Variants in FRMD3 observed in about 807,000 individuals in gnomAD.
The protein encoded by FRMD3 is FERM domain containing 3, also known as FERM domain-containing protein 3.
A neutral mutation model predicts 70.2 loss-of-function variants in FRMD3; 33 were observed. The ratio of observed to expected loss-of-function variants is 0.47; its 90% CI spans 0.36 to 0.63. The LOEUF is 0.63. Among genes scored for constraint, FRMD3 ranks in the 20% least tolerant of loss-of-function variants. The pLI, the probability that FRMD3 is intolerant of heterozygous loss-of-function variation, is 0.00. For missense variants in FRMD3, 632 were observed against 711.4 expected, an observed-to-expected ratio of 0.89 and a Z score of 1.27; for synonymous variants, 279 against 255.9, an observed-to-expected ratio of 1.09 and a Z score of -0.86.
At chr9:83,302,992 C>T (rs370025289) in intron 10 of FRMD3, among the ~76,000 whole-genome samples, 4 of 152,142 alleles carry the variant, frequency 2.6e-5, no homozygotes, top group Non-Finnish European at 2.9e-5. Context: ...AAATCCAGAT[C>T]GTCTCTGCAG....
intron 6 of FRMD3, among the ~76,000 whole-genome samples, chr9:83,317,181 G>A (rs747878738): frequency 1.8e-4 from 24 of 136,338 alleles, no homozygotes; most frequent in Non-Finnish European, 3.0e-4. Context: ...TTATTGAGCC[G>A]TCTCTCATGC....
At chr9:83,253,501 G>A (rs1415778702) in intron 13 of FRMD3, among the ~76,000 whole-genome samples, 3 of 152,142 alleles carry the variant, frequency 2.0e-5, no homozygotes, top group Non-Finnish European at 2.9e-5. Flanking sequence ...GCAGCCAACA[G>A]ACACATGAAA....
chr9:83,566,440 C>T, the FRMD3 span, among the ~76,000 whole-genome samples: 1 of 152,108 alleles, frequency 6.6e-6, no homozygotes, highest in Non-Finnish European at 1.5e-5. Flanking sequence ...ATCTCATGTC[C>T]TCATATTTCA....
intron 12 of FRMD3, among the ~76,000 whole-genome samples, chr9:83,290,969 A>G (rs1203408423): frequency 6.6e-6 from 1 of 152,184 alleles, no homozygotes; most frequent in Non-Finnish European, 1.5e-5. Context: ...AGTTCCCAAT[A>G]CATCACCAGC....
chr9:83,290,812 T>G (rs1430326500), intron 12 of FRMD3, 85 bp from the exon 13 acceptor site: 1 of 1,456,330 alleles, frequency 6.9e-7, no homozygotes, highest in Non-Finnish European at 9.3e-7. Context: ...AAGCTACCAT[T>G]TTGTGTCTAC....
intron 3 of FRMD3, among the ~76,000 whole-genome samples, chr9:83,356,281 T>TTG (rs1248709542): frequency 6.9e-6 from 1 of 143,946 alleles, no homozygotes; most frequent in Non-Finnish European, 1.5e-5. Context: ...ATTTTTTTTT[T>TTG]TTTTTTTTTT....
chr9:83,348,523 G>A (rs928959585), intron 4 of FRMD3, among the ~76,000 whole-genome samples: 2 of 152,062 alleles, frequency 1.3e-5, no homozygotes, highest in African/African-American at 2.4e-5. Flanking sequence ...TGAGGGTGAT[G>A]AAAACTTCTA....
At chr9:83,512,740 G>C (rs1423987444) in intron 1 of FRMD3, among the ~76,000 whole-genome samples, 1 of 152,154 alleles carries the variant, frequency 6.6e-6, no homozygotes, top group Non-Finnish European at 1.5e-5. Context: ...TGGGTGCTGA[G>C]AAAGTCACTA....
Position 83,372,934 on chromosome 9 carries a change from A to G in FRMD3, c.274T>C (p.Ser92Pro), listed in dbSNP as rs1433061527. Reference sequence around the variant, plus strand: ...TTACTTTTCATTTGCTTGAAGATGGACTTGTTAGGTTCAAGCCAGTGCTAG... The same window carrying G: ...TTACTTTTCATTTGCTTGAAGATGGGCTTGTTAGGTTCAAGCCAGTGCTAG... ...KQRHWLEPNK[S>P]IFKQMKTHPP... is the part of the protein sequence containing the mutation. Residue 92 changes from serine to proline, a missense_variant, in exon 3 of 14, where the codon TCC becomes CCC. Ser to Pro is a moderately conservative substitution (Grantham distance 74). This residue lies in a region of FRMD3 where 208 missense variants were observed against 247.7 expected (regional missense o/e 0.84). Transcript: ENST00000304195. The G allele has an allele frequency of 6.2e-7, 1 of 1,611,704 alleles. No individual in the cohort carries two copies. Among genetic ancestry groups the G allele is most frequent in the East Asian group, 2.2e-5 (1 of 44,802 alleles).
chr9:83,585,020 G>C, the FRMD3 span, among the ~76,000 whole-genome samples: 1 of 152,150 alleles, frequency 6.6e-6, no homozygotes, highest in Admixed American at 6.5e-5. Flanking sequence ...TCTTAAACTA[G>C]AGCCTCATTA....
intron 1 of FRMD3, among the ~76,000 whole-genome samples, chr9:83,418,904 A>C (rs1267223331): frequency 6.6e-6 from 1 of 152,248 alleles, no homozygotes; most frequent in Non-Finnish European, 1.5e-5. Context: ...TAATGAGTGG[A>C]GAAATAAAAT....
chr9:83,553,381 CT>C, the FRMD3 span, among the ~76,000 whole-genome samples: 2 of 152,312 alleles, frequency 1.3e-5, no homozygotes, highest in African/African-American at 4.8e-5. Flanking sequence ...GGGACCTACA[CT>C]TTCTCTCTAG....
At chr9:83,444,243 G>T (rs1827391557) in intron 1 of FRMD3, among the ~76,000 whole-genome samples, 1 of 152,182 alleles carries the variant, frequency 6.6e-6, no homozygotes, top group South Asian at 2.1e-4. Context: ...TGGGCTCAGA[G>T]CCAGGCCCAG....
intron 1 of FRMD3, among the ~76,000 whole-genome samples, chr9:83,435,672 T>G (rs977153277): frequency 6.6e-6 from 1 of 152,182 alleles, no homozygotes; most frequent in Non-Finnish European, 1.5e-5. Flanking sequence ...TGTTCCAGTT[T>G]TATTTGGGTT....
intron 3 of FRMD3, 66 bp from the exon 4 acceptor site, chr9:83,349,823 G>A (rs1004754120): frequency 4.2e-5 from 51 of 1,224,218 alleles, no homozygotes; most frequent in Non-Finnish European, 5.7e-5. Context: ...ACACACACGG[G>A]AAAGGCAGCC....
chr9:83,445,363 T>TAGAC (rs1375754024), intron 1 of FRMD3, among the ~76,000 whole-genome samples: 2 of 150,638 alleles, frequency 1.3e-5, no homozygotes, highest in African/African-American at 2.5e-5. Flanking sequence ...GATAGATAGA[T>TAGAC]AGATAGATAG....
intron 1 of FRMD3, among the ~76,000 whole-genome samples, chr9:83,407,873 C>CTCTCT (rs1564062738): frequency 1.1e-5 from 1 of 91,922 alleles, no homozygotes; most frequent in Non-Finnish European, 2.0e-5. Flanking sequence ...CTCTCTCTCT[C>CTCTCT]ATCTTTCTCT....
At position 83,335,621 on chromosome 9, in the gene FRMD3, T is replaced by G; in HGVS notation, c.491A>C (p.Asp164Ala). ...CIVQAELGDY[D>A]PDEHPENYIS... Reference sequence around the variant, plus strand: ...GTAATTCTCAGGATGCTCATCAGGATCGTAATCACCAAGCTCAGCTGTAAT... The same window carrying G: ...GTAATTCTCAGGATGCTCATCAGGAGCGTAATCACCAAGCTCAGCTGTAAT... Residue 164 changes from aspartate (D) to alanine (A), a missense_variant, in exon 6 of 14, where the codon GAT (aspartate) becomes GCT (alanine). Physicochemically the swap from Asp to Ala is moderately radical, Grantham distance 126 (BLOSUM62 -2). Coordinates refer to ENST00000304195, the MANE Select transcript of FRMD3 (RefSeq NM_174938.6). 1 of 1,613,144 alleles carries G rather than the reference T, an allele frequency of 6.2e-7. No individual in the cohort carries two copies. The highest frequency in any genetic ancestry group is 8.5e-7 in the Non-Finnish European group (1 of 1,179,384).
At chr9:83,301,150 G>C (rs1413963844) in intron 10 of FRMD3, among the ~76,000 whole-genome samples, 1 of 152,162 alleles carries the variant, frequency 6.6e-6, no homozygotes, top group Non-Finnish European at 1.5e-5. Flanking sequence ...GCCCTGGGGG[G>C]GGCCCTGCAG....
Sources: allele counts gnomAD v4.1 joint callset (sites outside exome capture counted in the v4.1 genomes callset), GRCh38; gene constraint gnomAD v4.1.1; regional missense constraint gnomAD v4.1.1; transcripts MANE v1.5; gene names NCBI Gene and HGNC (gene_info 2026-07-23, HGNC 2026-07-21).